The following CMSS1 variants were observed in gnomAD, a reference collection of about 807,000 sequenced individuals.
The protein encoded by CMSS1 is protein CMSS1.
A neutral mutation model predicts 43.5 loss-of-function variants in CMSS1; 33 were observed. The observed-to-expected ratio is 0.76, with a 90% confidence interval of 0.57 to 1.01. CMSS1 has a LOEUF of 1.01. CMSS1 is among the 50% of genes least tolerant of loss of function. The probability of loss-of-function intolerance (pLI) is 0.00; values close to 1 mark genes in which losing one functional copy is unlikely to be tolerated. For synonymous variants in CMSS1, 115 were observed against 117.2 expected (o/e 0.98, Z 0.12); for missense variants, 313 against 326.4 (o/e 0.96, Z 0.32).
intron 1 of CMSS1, among the ~76,000 whole-genome samples, chr3:100,108,658 C>T (rs947870305): frequency 6.6e-6 from 1 of 151,882 alleles, no homozygotes; most frequent in Admixed American, 6.6e-5. Flanking sequence ...TACTGTGTTA[C>T]AATTCCGAGA....
At chr3:100,132,353 T>A (rs954446658) in intron 1 of CMSS1, among the ~76,000 whole-genome samples, 1 of 152,120 alleles carries the variant, frequency 6.6e-6, no homozygotes, top group Admixed American at 6.5e-5. Context: ...TAGTGAGCTA[T>A]GATGGCACCA....
At chr3:99,865,652 C>T (rs780607393) in intron 1 of CMSS1, among the ~76,000 whole-genome samples, 15 of 152,052 alleles carry the variant, frequency 9.9e-5, no homozygotes, top group Non-Finnish European at 1.9e-4. Flanking sequence ...GTGGGTTTGT[C>T]ATAAATACCA....
chr3:99,951,648 A>C (rs565767803), intron 1 of CMSS1, among the ~76,000 whole-genome samples: 1 of 152,126 alleles, frequency 6.6e-6, no homozygotes, highest in African/African-American at 2.4e-5. Context: ...CCACATATAC[A>C]CAGTCCCCAC....
intron 1 of CMSS1, among the ~76,000 whole-genome samples, chr3:99,923,626 A>G (rs2107653408): frequency 6.6e-6 from 1 of 152,184 alleles, no homozygotes; most frequent in South Asian, 2.1e-4. Flanking sequence ...TCTCATCTGG[A>G]TATTTGCCTC....
chr3:99,841,918 T>C (rs1403090570), intron 1 of CMSS1, among the ~76,000 whole-genome samples: 1 of 152,146 alleles, frequency 6.6e-6, no homozygotes, highest in Non-Finnish European at 1.5e-5. Context: ...TGGAAAACAG[T>C]GTGGAGATTC....
At chr3:100,116,806 A>G (rs2066574664) in intron 1 of CMSS1, among the ~76,000 whole-genome samples, 1 of 152,136 alleles carries the variant, frequency 6.6e-6, no homozygotes, top group Non-Finnish European at 1.5e-5. Context: ...ATACTTATGT[A>G]TTTGCTCATT....
At chr3:99,945,375 G>A (rs111331813) in intron 1 of CMSS1, among the ~76,000 whole-genome samples, 2 of 152,282 alleles carry the variant, frequency 1.3e-5, no homozygotes, top group African/African-American at 4.8e-5. Flanking sequence ...GAGGTCTGTG[G>A]TAATGGGGAT....
chr3:99,878,458 CAT>C (rs1170525516), intron 1 of CMSS1, among the ~76,000 whole-genome samples: 1 of 152,250 alleles, frequency 6.6e-6, no homozygotes, highest in Non-Finnish European at 1.5e-5. Context: ...TAGCCTTCTA[CAT>C]ATATAGTCTT....
rs1209034532 is a variant in CMSS1, at chr3:100,171,913, T to C, written c.579+14T>C. 6.2e-7 allele frequency: 1 copy of C among 1,608,452 alleles called. No homozygotes were observed. Among genetic ancestry groups the C allele is most frequent in the Non-Finnish European group, 8.5e-7 (1 of 1,174,900 alleles). On this transcript the variant is annotated intron_variant, in intron 7 of 9. Transcript: ENST00000421999. ...AAGCACATAAAGGTAAGCAAGGGCC[T>C]GTGTGATCCCTAAAGGCCTCTCCCA...
intron 1 of CMSS1, among the ~76,000 whole-genome samples, chr3:100,128,320 C>A (rs2066678922): frequency 6.6e-6 from 1 of 152,182 alleles, no homozygotes; most frequent in Non-Finnish European, 1.5e-5. Flanking sequence ...CCCTTCTCTG[C>A]ACATTTTAAT....
At chr3:100,041,992 A>C (rs969525715) in intron 1 of CMSS1, among the ~76,000 whole-genome samples, 2 of 152,206 alleles carry the variant, frequency 1.3e-5, no homozygotes, top group South Asian at 2.1e-4. Context: ...TTCTTCAGCT[A>C]TATGATCTGA....
intron 1 of CMSS1, among the ~76,000 whole-genome samples, chr3:100,066,965 T>A (rs903383690): frequency 1.3e-5 from 2 of 152,220 alleles, no homozygotes; most frequent in African/African-American, 4.8e-5. Context: ...TTGTCTTCTT[T>A]AGAAGACACA....
intron 1 of CMSS1, among the ~76,000 whole-genome samples, chr3:99,954,729 G>C (rs1708270599): frequency 6.6e-6 from 1 of 152,058 alleles, no homozygotes; most frequent in African/African-American, 2.4e-5. Context: ...AGGAGGCTGA[G>C]GCAGGAGAAT....
chr3:100,114,876 A>G (rs1374129471), intron 1 of CMSS1: 6 of 1,126,444 alleles, frequency 5.3e-6, no homozygotes, highest in Admixed American at 2.1e-5. Context: ...CACTGTAAAC[A>G]TTCGCTATTA....
intron 1 of CMSS1, chr3:99,931,088 A>T: frequency 7.2e-7 from 1 of 1,387,734 alleles, no homozygotes; most frequent in Non-Finnish European, 1.0e-6. Flanking sequence ...TAATAAGAGT[A>T]CCTATTACTG....
At chr3:100,020,439 G>C (rs1037757900) in intron 1 of CMSS1, among the ~76,000 whole-genome samples, 4 of 152,116 alleles carry the variant, frequency 2.6e-5, no homozygotes, top group African/African-American at 9.7e-5. Context: ...ACTTCCAAAA[G>C]AAAATACATG....
intron 1 of CMSS1, among the ~76,000 whole-genome samples, chr3:100,089,551 A>G (rs769961512): frequency 6.6e-6 from 1 of 152,222 alleles, no homozygotes; most frequent in Non-Finnish European, 1.5e-5. Flanking sequence ...CAAAAAGGAT[A>G]GGAAGCAGAA....
intron 1 of CMSS1, among the ~76,000 whole-genome samples, chr3:99,880,671 GTTTTAAAATTAATTTAAAATTTTTTTTA>G: frequency 6.6e-6 from 1 of 151,898 alleles, no homozygotes; most frequent in South Asian, 2.1e-4. Context: ...AAATTTTTTT[GTTTTAAAATTAATTTAAAATTTTTTTTA>G]TTTTAAAATT....
chr3:100,166,565 C>G (rs2067067681), intron 5 of CMSS1, among the ~76,000 whole-genome samples, 171 bp downstream of exon 5: 1 of 152,152 alleles, frequency 6.6e-6, no homozygotes, highest in Non-Finnish European at 1.5e-5. Flanking sequence ...GCTGTTTGAC[C>G]TGAGACGAGT....
Sources: gnomAD v4.1 joint callset for allele counts (sites outside exome capture counted in the v4.1 genomes callset) on GRCh38, gnomAD v4.1.1 for gene constraint, MANE v1.5 for transcripts, NCBI Gene and HGNC (gene_info 2026-07-23, HGNC 2026-07-21) for gene names.